ATL1: variants seen among roughly 807,000 people sequenced by gnomAD.
ATL1 encodes the protein atlastin-1.
In ATL1, 31 loss-of-function variants were observed where a neutral mutation model predicts 75.5. The observed-to-expected ratio is 0.41, with a 90% CI of 0.31 to 0.55. ATL1 has a LOEUF of 0.55. Ranked by LOEUF, ATL1 falls within the 20% of genes least tolerant of loss-of-function variation. The pLI is 0.27. For missense variants in ATL1, 405 were observed against 662.6 expected, an observed-to-expected ratio of 0.61 and a Z score of 4.27; for synonymous variants, 226 against 233.3, an observed-to-expected ratio of 0.97 and a Z score of 0.28.
In ATL1 at chr14:50,616,163, T is replaced by G. The variant is rs892431233; in HGVS notation, c.862+1652T>G. Among the ~76,000 whole-genome samples the G allele has an allele frequency of 5.9e-5, 9 of 152,074 alleles. 1 individual carries two copies. Among genetic ancestry groups the G allele is most frequent in the South Asian group, 4.2e-4 (2 of 4,816 alleles). ...CACGCACCACCATGTGCAGCTAATT[T>G]ATTTTTAAAATTCTTTGAAGAGATG... On this transcript the variant is annotated intron_variant, in intron 8 of 13. Coordinates refer to ENST00000358385, the MANE Select transcript of ATL1 (RefSeq NM_015915.5).
intron 8 of ATL1, among the ~76,000 whole-genome samples, chr14:50,620,062 A>G (rs2039452724): frequency 6.6e-6 from 1 of 152,180 alleles, no homozygotes; most frequent in Non-Finnish European, 1.5e-5. Context: ...GATCAAGACC[A>G]TCCTGGCCAA....
At chr14:50,579,352 T>C (rs184727556) in intron 1 of ATL1, among the ~76,000 whole-genome samples, 2 of 152,364 alleles carry the variant, frequency 1.3e-5, no homozygotes, top group Admixed American at 6.5e-5. Context: ...TTTATACTTG[T>C]GATAATTTCA....
intron 1 of ATL1, among the ~76,000 whole-genome samples, chr14:50,575,664 A>G (rs977955326): frequency 6.6e-6 from 1 of 152,154 alleles, no homozygotes; most frequent in Admixed American, 6.5e-5. Context: ...TTGCCAAGAG[A>G]TAGTTTCCTT....
chr14:50,613,334 T>C lies in ATL1; in HGVS notation c.706T>C (p.Leu236=), dbSNP rs539960605. The change falls in exon 7 of 14, where the codon TTG becomes CTG. Residue 236 remains leucine, a synonymous_variant. Coordinates refer to ENST00000358385, the MANE Select transcript of ATL1 (RefSeq NM_015915.5). ...TGGAGCCGATGGTGGTGCCAAATTC[T>C]TGGAAAAACGCCTCAAGGTTTGTTA... ...SYGADGGAKF[L]EKRLKVSGNQ... is the part of the protein sequence containing the mutation. 6.2e-7 allele frequency: 1 copy of C among 1,613,096 alleles called. No individual in the cohort carries two copies. Among genetic ancestry groups the C allele is most frequent in the East Asian group, 2.2e-5 (1 of 44,860 alleles).
At chr14:50,608,551 G>A (rs1298510283) in intron 6 of ATL1, among the ~76,000 whole-genome samples, 1 of 151,976 alleles carries the variant, frequency 6.6e-6, no homozygotes, top group Non-Finnish European at 1.5e-5. Flanking sequence ...CTGGGAGTTG[G>A]AACGTTGCCA....
At chr14:50,540,038 G>A (rs965154037) in intron 1 of ATL1, among the ~76,000 whole-genome samples, 12 of 152,182 alleles carry the variant, frequency 7.9e-5, no homozygotes, top group East Asian at 1.9e-4. Flanking sequence ...AGATATCCTC[G>A]AAAGATTCTT....
chr14:50,585,152 T>C (rs977206188), intron 1 of ATL1, among the ~76,000 whole-genome samples: 3 of 152,220 alleles, frequency 2.0e-5, no homozygotes, highest in Admixed American at 6.5e-5. Context: ...AGAAAGGATA[T>C]GGATCAATAG....
chr14:50,611,877 T>C (rs908439614), intron 6 of ATL1, among the ~76,000 whole-genome samples: 2 of 152,080 alleles, frequency 1.3e-5, no homozygotes, highest in Admixed American at 6.6e-5. Context: ...GTCCTGAACA[T>C]GTGCACACTC....
At position 50,591,063 on chromosome 14, in the gene ATL1, T is replaced by C. The variant is rs2039151677; in HGVS notation, c.405T>C (p.Pro135=). The C allele has an allele frequency of 1.2e-6, 2 of 1,613,478 alleles. No individual in the cohort carries two copies. Among genetic ancestry groups the C allele is most frequent in the Non-Finnish European group, 8.5e-7 (1 of 1,179,728 alleles). The change falls in exon 3 of 14, where the codon CCT becomes CCC. Residue 135 remains proline, a synonymous_variant. Transcript: ENST00000358385. ...GTGAAATCTTCCTTATCAATAAACC[T>C]GATGGTAAAAAGGTATGATGCTAAC... ...IWSEIFLINK[P]DGKKVAVLLM...
intron 12 of ATL1, among the ~76,000 whole-genome samples, chr14:50,629,176 G>A (rs2039552944): frequency 6.6e-6 from 1 of 152,186 alleles, no homozygotes; most frequent in Admixed American, 6.5e-5. Context: ...ATCATAAGTT[G>A]TCATATCATT....
At position 50,592,392 on chromosome 14, in the gene ATL1, T is replaced by A. The variant is rs572404962; in HGVS notation, c.522+753T>A. 4.0e-5 allele frequency among the ~76,000 whole-genome samples: 6 copies of A among 151,894 alleles called. No individual in the cohort carries two copies. In the South Asian group the frequency reaches 1.2e-3, roughly 32 times the overall value. Reference sequence around the variant, plus strand: ...AGGCAAAGCAGTTAGGATGAGTGAGTCAAGACTAAAATTACAAGCAAGCAT... The same window carrying A: ...AGGCAAAGCAGTTAGGATGAGTGAGACAAGACTAAAATTACAAGCAAGCAT... On this transcript the variant is annotated intron_variant, in intron 4 of 13. Coordinates refer to ENST00000358385, the MANE Select transcript of ATL1 (RefSeq NM_015915.5).
rs72679573 is a variant in ATL1, at chr14:50,616,928, A to G, written c.862+2417A>G. Among the ~76,000 whole-genome samples the G allele has an allele frequency of 8.3e-3, 1,262 of 152,272 alleles. 11 individuals are homozygous for G. Among genetic ancestry groups the G allele is most frequent in the Non-Finnish European group, 0.013 (853 of 68,014 alleles). The stretch of plus-strand genomic sequence containing the variant: ...AATCTTACAATTTGGTGTGATTTCT[A>G]TCCAGGATGTCTTGTCAGCTGACTG... On this transcript the variant is annotated intron_variant, in intron 8 of 13. Coordinates refer to ENST00000358385, the MANE Select transcript of ATL1 (RefSeq NM_015915.5).
intron 1 of ATL1, 117 bp from the exon 2 acceptor site, chr14:50,587,714 T>C: frequency 7.2e-7 from 1 of 1,397,502 alleles, no homozygotes; most frequent in South Asian, 1.2e-5. Flanking sequence ...CAGCATAAAA[T>C]GAGCATTTAT....
intron 6 of ATL1, among the ~76,000 whole-genome samples, chr14:50,607,647 T>C (rs1375427331): frequency 6.6e-6 from 1 of 152,088 alleles, no homozygotes; most frequent in African/African-American, 2.4e-5. Context: ...TAGAAACTGA[T>C]TACATGTATT....
intron 1 of ATL1, among the ~76,000 whole-genome samples, chr14:50,574,613 T>C (rs991696575): frequency 2.0e-5 from 3 of 152,160 alleles, no homozygotes; most frequent in Admixed American, 6.5e-5. Flanking sequence ...GGCATATGTA[T>C]TTGTTTTTCT....
intron 1 of ATL1, among the ~76,000 whole-genome samples, chr14:50,533,869 A>G (rs2038456960): frequency 6.6e-6 from 1 of 152,234 alleles, no homozygotes; most frequent in Non-Finnish European, 1.5e-5. Flanking sequence ...AGGACAGGGC[A>G]TATATGTATT....
intron 1 of ATL1, among the ~76,000 whole-genome samples, chr14:50,585,978 T>G (rs1187245908): frequency 2.0e-5 from 3 of 152,174 alleles, no homozygotes; most frequent in African/African-American, 7.2e-5. Context: ...AAAACTAAAA[T>G]TATATATTTT....
At chr14:50,584,104 G>A (rs72679549) in intron 1 of ATL1, among the ~76,000 whole-genome samples, 26,271 of 152,176 alleles carry the variant, frequency 0.17, 2,671 homozygotes, top group African/African-American at 0.29. Context: ...TCTGGGCACC[G>A]TGGTTCATCC....
At chr14:50,620,248 A>G (rs2039454630) in intron 8 of ATL1, among the ~76,000 whole-genome samples, 1 of 152,226 alleles carries the variant, frequency 6.6e-6, no homozygotes. Context: ...ACAGAGCAAG[A>G]CTTCATTTCA....
Sources: allele counts gnomAD v4.1 joint callset (sites outside exome capture counted in the v4.1 genomes callset), GRCh38; gene constraint gnomAD v4.1.1; transcripts MANE v1.5; gene names NCBI Gene and HGNC (gene_info 2026-07-23, HGNC 2026-07-21).